The following GUCY1A2 variants were observed in gnomAD, a reference collection of about 807,000 sequenced individuals.
GUCY1A2 encodes the protein guanylate cyclase soluble subunit alpha-2.
A neutral mutation model predicts 63.5 loss-of-function variants in GUCY1A2; 27 were observed. The ratio of observed to expected loss-of-function variants is 0.43; its 90% confidence interval spans 0.31 to 0.59. The LOEUF (loss-of-function observed/expected upper bound fraction) is 0.59, where lower values mean the gene tolerates loss of function less well. GUCY1A2 is among the 20% of genes least tolerant of loss of function. The probability of loss-of-function intolerance (pLI) is 0.11; values close to 1 mark genes in which losing one functional copy is unlikely to be tolerated. For missense variants in GUCY1A2, 768 were observed against 913.3 expected, an observed-to-expected ratio of 0.84 and a Z score of 2.05; for synonymous variants, 364 against 343.5, an observed-to-expected ratio of 1.06 and a Z score of -0.66.
chr11:106,903,473 T>C (rs1437074210), intron 4 of GUCY1A2, among the ~76,000 whole-genome samples: 1 of 152,146 alleles, frequency 6.6e-6, no homozygotes, highest in African/African-American at 2.4e-5. Context: ...AATAAACCCA[T>C]AGAATTTACC....
chr11:106,733,558 G>A (rs370083726), intron 6 of GUCY1A2, among the ~76,000 whole-genome samples: 2 of 152,056 alleles, frequency 1.3e-5, no homozygotes, highest in African/African-American at 4.8e-5. Context: ...ATTAAAATGC[G>A]ATGAAATTTT....
rs183302907 is a variant in GUCY1A2 at position 106,830,208 on chromosome 11, A to G, written c.1207-19730T>C. ...TTTAAGTGTTATTACTTTATGTGATAGCACTTGGGTTGGGGATTGGTGCAT... is the reference window on the plus strand; with the variant it reads ...TTTAAGTGTTATTACTTTATGTGATGGCACTTGGGTTGGGGATTGGTGCAT... On this transcript the variant is annotated intron_variant, in intron 4 of 7. Coordinates refer to ENST00000526355, the MANE Select transcript of GUCY1A2 (RefSeq NM_000855.3). 1.7e-3 allele frequency among the ~76,000 whole-genome samples: 261 copies of G among 152,330 alleles called. 2 individuals are homozygous for G. Among genetic ancestry groups the G allele is most frequent in the Non-Finnish European group, 3.0e-3 (203 of 68,034 alleles).
intron 5 of GUCY1A2, among the ~76,000 whole-genome samples, chr11:106,807,043 C>T (rs910599645): frequency 6.6e-6 from 1 of 152,076 alleles, no homozygotes; most frequent in Non-Finnish European, 1.5e-5. Context: ...CCATCTAGTT[C>T]TTTTCTCTTG....
chr11:106,875,374 A>T (rs1055633227), intron 4 of GUCY1A2, among the ~76,000 whole-genome samples: 4 of 152,178 alleles, frequency 2.6e-5, no homozygotes, highest in African/African-American at 9.7e-5. Flanking sequence ...GTCTTGACAG[A>T]AACTGATAGA....
chr11:106,919,120 G>T (rs944328925), intron 4 of GUCY1A2, among the ~76,000 whole-genome samples: 1 of 152,100 alleles, frequency 6.6e-6, no homozygotes, highest in Non-Finnish European at 1.5e-5. Context: ...GGATCTTTCA[G>T]TCAAATCACC....
At chr11:106,992,325 CTTTTTTTTTTT>C (rs11297661) in intron 1 of GUCY1A2, among the ~76,000 whole-genome samples, 1 of 113,756 alleles carries the variant, frequency 8.8e-6, no homozygotes, top group Non-Finnish European at 1.8e-5. Context: ...AAGAATATGT[CTTTTTTTTTTT>C]TTTTTTTTTT....
At chr11:106,700,795 AT>A (rs538829087) in intron 7 of GUCY1A2, among the ~76,000 whole-genome samples, 2,233 of 148,168 alleles carry the variant, frequency 0.015, 55 homozygotes, top group African/African-American at 0.05. Context: ...GAGCATGTTG[AT>A]TTTTTTTTTT....
rs1477040637 is a variant in GUCY1A2, at chr11:106,787,940, A to G, written c.1693-11358T>C. Among the ~76,000 whole-genome samples, 3 of 152,012 alleles carry G rather than the reference A, an allele frequency of 2.0e-5. No individual in the cohort carries two copies. The East Asian group carries it at 5.8e-4, about 29-fold the overall frequency. ...TGGGTTGTATGGTAGCTCTATTTTT[A>G]GTTTTCTGAGGAACCTACAAACTAT... On this transcript the variant is annotated intron_variant, in intron 5 of 7. Coordinates refer to ENST00000526355, the MANE Select transcript of GUCY1A2 (RefSeq NM_000855.3).
At chr11:106,969,203 T>C (rs753763324) in intron 3 of GUCY1A2, among the ~76,000 whole-genome samples, 1 of 152,136 alleles carries the variant, frequency 6.6e-6, no homozygotes, top group Non-Finnish European at 1.5e-5. Flanking sequence ...TTAATTTAAA[T>C]AAATTACAAT....
chr11:106,687,517 T>G lies in GUCY1A2; in HGVS notation c.*32A>C. ...GGTGACCCATGTTCTGGGCTTGTGCTTTTTGGAGGAGTCTTTGATCTGTAG... is the reference window on the plus strand; with the variant it reads ...GGTGACCCATGTTCTGGGCTTGTGCGTTTTGGAGGAGTCTTTGATCTGTAG... On this transcript the variant is annotated 3_prime_UTR_variant, in exon 8 of 8. Coordinates refer to ENST00000526355, the MANE Select transcript of GUCY1A2 (RefSeq NM_000855.3). 1 of 1,538,018 alleles carries G rather than the reference T, an allele frequency of 6.5e-7. No individual in the cohort carries two copies. Among genetic ancestry groups the G allele is most frequent in the Non-Finnish European group, 9.0e-7 (1 of 1,111,268 alleles).
intron 7 of GUCY1A2, among the ~76,000 whole-genome samples, chr11:106,692,204 ATCTAAATTAATCC>A (rs1224726268): frequency 6.6e-6 from 1 of 152,042 alleles, no homozygotes; most frequent in Non-Finnish European, 1.5e-5. Flanking sequence ...TTCTATATAA[ATCTAAATTAATCC>A]TCTAAATTAA....
At chr11:106,873,387 C>T (rs1158636656) in intron 4 of GUCY1A2, among the ~76,000 whole-genome samples, 1 of 152,138 alleles carries the variant, frequency 6.6e-6, no homozygotes, top group African/African-American at 2.4e-5. Context: ...TTCTCAATGA[C>T]AGTGTAAAAG....
intron 5 of GUCY1A2, among the ~76,000 whole-genome samples, chr11:106,801,517 T>C (rs1326980304): frequency 6.6e-6 from 1 of 152,108 alleles, no homozygotes; most frequent in Non-Finnish European, 1.5e-5. Flanking sequence ...TCCATCTAGG[T>C]AATTGGAAAC....
intron 1 of GUCY1A2, among the ~76,000 whole-genome samples, chr11:106,989,959 T>G (rs1861450349): frequency 6.6e-6 from 1 of 152,214 alleles, no homozygotes; most frequent in African/African-American, 2.4e-5. Context: ...ATACAAAGAA[T>G]GTGCAACAGG....
At chr11:106,949,709 A>G (rs1453565619) in intron 3 of GUCY1A2, among the ~76,000 whole-genome samples, 3 of 152,208 alleles carry the variant, frequency 2.0e-5, no homozygotes, top group African/African-American at 4.8e-5. Flanking sequence ...GGAAATGTCA[A>G]CTAGGCCACC....
intron 7 of GUCY1A2, among the ~76,000 whole-genome samples, chr11:106,703,299 C>T (rs1220655248): frequency 2.0e-5 from 3 of 152,076 alleles, no homozygotes; most frequent in Non-Finnish European, 1.5e-5. Context: ...AGTTCTGTCC[C>T]TCTAGAGAAC....
chr11:106,823,141 A>T (rs965396292), intron 4 of GUCY1A2, among the ~76,000 whole-genome samples: 1 of 152,156 alleles, frequency 6.6e-6, no homozygotes, highest in South Asian at 2.1e-4. Flanking sequence ...TGTTTGTCAC[A>T]TGGGTATTTT....
chr11:106,903,248 C>T (rs1009331623), intron 4 of GUCY1A2, among the ~76,000 whole-genome samples: 3 of 152,062 alleles, frequency 2.0e-5, no homozygotes, highest in Non-Finnish European at 2.9e-5. Flanking sequence ...GAAGCCTTCA[C>T]AGCCAGTCAA....
intron 6 of GUCY1A2, among the ~76,000 whole-genome samples, chr11:106,709,620 T>TATA (rs1863032792): frequency 2.3e-5 from 1 of 44,200 alleles, no homozygotes; most frequent in Non-Finnish European, 4.8e-5. Context: ...ATTATATACG[T>TATA]GTATATATTA....
Sources: allele counts gnomAD v4.1 joint callset (sites outside exome capture counted in the v4.1 genomes callset), GRCh38; gene constraint gnomAD v4.1.1; transcripts MANE v1.5; gene names NCBI Gene and HGNC (gene_info 2026-07-23, HGNC 2026-07-21).